NRG1: variants seen among roughly 807,000 people sequenced by gnomAD.
The protein encoded by NRG1 is pro-neuregulin-1, membrane-bound isoform.
In NRG1, 18 loss-of-function variants were observed where a neutral mutation model predicts 63.8. The ratio of observed to expected loss-of-function variants is 0.28; its 90% CI spans 0.19 to 0.42. The LOEUF is 0.42. Among genes scored for constraint, NRG1 ranks in the 10% least tolerant of loss-of-function variants. The probability of loss-of-function intolerance (pLI) is 1.00; values close to 1 mark genes in which losing one functional copy is unlikely to be tolerated. For missense variants in NRG1, 762 were observed against 814.7 expected (o/e 0.94, Z 0.79); for synonymous variants, 302 against 301.3 (o/e 1.00, Z -0.02).
chr8:32,556,211 A>G (rs1835146136), intron 1 of NRG1, among the ~76,000 whole-genome samples: 1 of 152,256 alleles, frequency 6.6e-6, no homozygotes, highest in Non-Finnish European at 1.5e-5. Flanking sequence ...TCTTTAAGTA[A>G]TAATGACAAC....
chr8:32,028,799 G>C (rs1018258024), intron 1 of NRG1, among the ~76,000 whole-genome samples: 1 of 151,958 alleles, frequency 6.6e-6, no homozygotes. Context: ...AGTGGAAAGG[G>C]GAACATGAGA....
chr8:31,990,964 G>GA (rs1428776785), intron 1 of NRG1, among the ~76,000 whole-genome samples: 1 of 152,066 alleles, frequency 6.6e-6, no homozygotes, highest in Non-Finnish European at 1.5e-5. Flanking sequence ...ACTGAGAAGT[G>GA]AAAATTCTGG....
At chr8:32,487,636 T>TAATC (rs1826065502) in intron 1 of NRG1, among the ~76,000 whole-genome samples, 1 of 152,210 alleles carries the variant, frequency 6.6e-6, no homozygotes, top group African/African-American at 2.4e-5. Flanking sequence ...TGAGACCGCA[T>TAATC]CTGTATGCCT....
At chr8:32,491,009 G>A (rs964828443) in intron 1 of NRG1, among the ~76,000 whole-genome samples, 8 of 152,180 alleles carry the variant, frequency 5.3e-5, no homozygotes, top group Middle Eastern at 3.4e-3. Flanking sequence ...AAGGGGTAAC[G>A]TTTACAAATG....
intron 1 of NRG1, among the ~76,000 whole-genome samples, chr8:31,690,772 G>T (rs1023151572): frequency 8.5e-5 from 13 of 152,178 alleles, no homozygotes; most frequent in African/African-American, 3.1e-4. Flanking sequence ...GGAGGAAGTT[G>T]CCATCAACTG....
intron 5 of NRG1, among the ~76,000 whole-genome samples, chr8:32,705,781 A>T (rs923323147): frequency 1.3e-5 from 2 of 152,198 alleles, no homozygotes; most frequent in Admixed American, 6.5e-5. Context: ...GAATAATAGA[A>T]CTTCAAGGTT....
chr8:31,962,600 A>G (rs1344280205), intron 1 of NRG1, among the ~76,000 whole-genome samples: 6 of 152,152 alleles, frequency 3.9e-5, no homozygotes, highest in African/African-American at 1.2e-4. Flanking sequence ...CTATATTTTC[A>G]AAAATTACTT....
chr8:32,573,660 T>G (rs1839062202), intron 1 of NRG1, among the ~76,000 whole-genome samples: 1 of 152,092 alleles, frequency 6.6e-6, no homozygotes, highest in Non-Finnish European at 1.5e-5. Context: ...TTTTATTTTA[T>G]TATTATTATA....
At chr8:31,867,097 T>C (rs977060288) in intron 1 of NRG1, among the ~76,000 whole-genome samples, 1 of 152,196 alleles carries the variant, frequency 6.6e-6, no homozygotes, top group Non-Finnish European at 1.5e-5. Context: ...ACCTCTTCTT[T>C]TTTTCCTCTT....
At chr8:32,258,331 T>C (rs1849973558) in intron 1 of NRG1, among the ~76,000 whole-genome samples, 1 of 152,246 alleles carries the variant, frequency 6.6e-6, no homozygotes, top group African/African-American at 2.4e-5. Flanking sequence ...ACAGCTGATC[T>C]TTATATAGTG....
At chr8:32,643,391 T>A (rs1852805989) in intron 5 of NRG1, among the ~76,000 whole-genome samples, 1 of 152,206 alleles carries the variant, frequency 6.6e-6, no homozygotes, top group Non-Finnish European at 1.5e-5. Context: ...GGGTGCTTTC[T>A]CTCACAACCT....
intron 1 of NRG1, among the ~76,000 whole-genome samples, chr8:31,670,343 C>A (rs1806999557): frequency 6.6e-6 from 1 of 152,138 alleles, no homozygotes; most frequent in Non-Finnish European, 1.5e-5. Context: ...TCCTACACTG[C>A]AGGCCTTCCT....
chr8:31,900,578 T>C (rs1831990646), intron 1 of NRG1, among the ~76,000 whole-genome samples: 1 of 152,180 alleles, frequency 6.6e-6, no homozygotes, highest in Non-Finnish European at 1.5e-5. Context: ...TTATCAGCCA[T>C]GATCAAATAA....
At chr8:32,300,334 T>C (rs930463521) in intron 1 of NRG1, among the ~76,000 whole-genome samples, 5 of 152,230 alleles carry the variant, frequency 3.3e-5, no homozygotes, top group Non-Finnish European at 7.3e-5. Flanking sequence ...TATAGCCAAA[T>C]TTTATCTTCT....
At chr8:32,014,718 C>G (rs1428073418) in intron 1 of NRG1, among the ~76,000 whole-genome samples, 1 of 150,280 alleles carries the variant, frequency 6.7e-6, no homozygotes, top group Non-Finnish European at 1.5e-5. Context: ...CCCCCCAACC[C>G]CCCCCCAAAA....
At chr8:31,821,230 T>G (rs926271317) in intron 1 of NRG1, among the ~76,000 whole-genome samples, 3 of 152,344 alleles carry the variant, frequency 2.0e-5, no homozygotes, top group African/African-American at 7.2e-5. Context: ...CCCATACATA[T>G]AAAGGGCTGA....
intron 5 of NRG1, among the ~76,000 whole-genome samples, chr8:32,626,161 G>A (rs896998123): frequency 6.6e-6 from 1 of 152,038 alleles, no homozygotes; most frequent in African/African-American, 2.4e-5. Flanking sequence ...TCAGCATGAG[G>A]CTAGGAAATG....
chr8:31,691,412 G>A (rs955942184), intron 1 of NRG1, among the ~76,000 whole-genome samples: 6 of 151,566 alleles, frequency 4.0e-5, no homozygotes, highest in East Asian at 1.9e-4. Context: ...TCGAGACCAC[G>A]GTGAAACCCC....
At chr8:31,848,775 A>AC (rs1336120051) in intron 1 of NRG1, among the ~76,000 whole-genome samples, 1 of 151,922 alleles carries the variant, frequency 6.6e-6, no homozygotes, top group Non-Finnish European at 1.5e-5. Context: ...GTCTCCCATC[A>AC]CCCCCAGATG....
Sources: gnomAD v4.1 joint callset for allele counts (sites outside exome capture counted in the v4.1 genomes callset) on GRCh38, gnomAD v4.1.1 for gene constraint, MANE v1.5 for transcripts, NCBI Gene and HGNC (gene_info 2026-07-23, HGNC 2026-07-21) for gene names.